Variants in PLEKHA7 observed in about 807,000 individuals in gnomAD.
PLEKHA7 encodes the protein pleckstrin homology domain containing A7, also known as pleckstrin homology domain-containing family A member 7.
PLEKHA7 carries 104 observed loss-of-function variants against 170.0 expected under a neutral mutation model. That is an observed-to-expected ratio of 0.61 (90% CI 0.52 to 0.72). The LOEUF (loss-of-function observed/expected upper bound fraction) is 0.72, where lower values mean the gene tolerates loss of function less well. Ranked by LOEUF, PLEKHA7 falls within the 30% of genes least tolerant of loss-of-function variation. The pLI, the probability that PLEKHA7 is intolerant of heterozygous loss-of-function variation, is 0.00. For missense variants in PLEKHA7, 1,615 were observed against 1,671.7 expected, an observed-to-expected ratio of 0.97 and a Z score of 0.59; for synonymous variants, 648 against 660.8, an observed-to-expected ratio of 0.98 and a Z score of 0.30.
At chr11:16,915,519 C>CTCCCCCT (rs1858586679) in intron 3 of PLEKHA7, among the ~76,000 whole-genome samples, 1 of 119,942 alleles carries the variant, frequency 8.3e-6, no homozygotes, top group African/African-American at 3.1e-5. Flanking sequence ...CCCCTCCCCC[C>CTCCCCCT]ACCCCACAAC....
At chr11:16,897,527 G>A (rs532870576) in intron 3 of PLEKHA7, among the ~76,000 whole-genome samples, 1 of 152,212 alleles carries the variant, frequency 6.6e-6, no homozygotes, top group Non-Finnish European at 1.5e-5. Context: ...GGGACTGGTG[G>A]TAAGTGGCAG....
chr11:16,972,235 C>A (rs1004498223), intron 3 of PLEKHA7, among the ~76,000 whole-genome samples: 3 of 152,124 alleles, frequency 2.0e-5, no homozygotes, highest in Non-Finnish European at 4.4e-5. Flanking sequence ...TGATCCTCCA[C>A]CTCAGCCTCC....
Position 16,958,119 on chromosome 11 carries a change from T to C in PLEKHA7, c.221+55870A>G, listed in dbSNP as rs113371699. Among the ~76,000 whole-genome samples, 633 of 152,110 alleles carry C rather than the reference T, an allele frequency of 4.2e-3. 3 individuals are homozygous for C. The highest frequency in any genetic ancestry group is 0.014 in the African/African-American group (594 of 41,540). On this transcript the variant is annotated intron_variant, in intron 3 of 26. Coordinates refer to ENST00000531066, the MANE Select transcript of PLEKHA7 (RefSeq NM_001329630.2). The stretch of plus-strand genomic sequence containing the variant: ...CTGCTTGAGCCCAGGAGTTCAAGAC[T>C]AGCCTGGGCAACATGACAAAACCTC...
intron 3 of PLEKHA7, among the ~76,000 whole-genome samples, chr11:16,996,163 C>T (rs750828721): frequency 3.4e-4 from 52 of 152,338 alleles, no homozygotes; most frequent in Non-Finnish European, 6.9e-4. Context: ...CATTTAATCT[C>T]TGCAAAAGAC....
chr11:16,925,968 T>A (rs1220832331), intron 3 of PLEKHA7, among the ~76,000 whole-genome samples: 2 of 152,234 alleles, frequency 1.3e-5, no homozygotes, highest in Non-Finnish European at 2.9e-5. Context: ...ACTGCGCTGT[T>A]CTGGCGTCTA....
chr11:16,932,468 A>G (rs7125295), intron 3 of PLEKHA7, among the ~76,000 whole-genome samples: 2,591 of 152,042 alleles, frequency 0.017, 88 homozygotes, highest in African/African-American at 0.06. Flanking sequence ...TTTTTTTGGT[A>G]GAGACAGGAC....
At chr11:16,906,224 T>TAGGTAGGA (rs1554968120) in intron 3 of PLEKHA7, among the ~76,000 whole-genome samples, 1 of 116,222 alleles carries the variant, frequency 8.6e-6, no homozygotes, top group Non-Finnish European at 1.7e-5. Flanking sequence ...TAAAATGAGG[T>TAGGTAGGA]AGGAAGGAAG....
chr11:16,903,371 G>A (rs998417759), intron 3 of PLEKHA7, among the ~76,000 whole-genome samples: 2 of 152,298 alleles, frequency 1.3e-5, no homozygotes, highest in Middle Eastern at 6.8e-3. Flanking sequence ...GCATGTTTGG[G>A]ATGTTTGCTC....
intron 3 of PLEKHA7, among the ~76,000 whole-genome samples, chr11:16,979,279 C>T (rs1407257907): frequency 1.3e-5 from 2 of 152,200 alleles, no homozygotes; most frequent in South Asian, 2.1e-4. Context: ...CCACCTGCCT[C>T]GGCCTCCCAG....
At chr11:16,846,783 G>A (rs1179379151) in intron 8 of PLEKHA7, among the ~76,000 whole-genome samples, 1 of 152,156 alleles carries the variant, frequency 6.6e-6, no homozygotes, top group East Asian at 1.9e-4. Flanking sequence ...CCATATCTTG[G>A]GAGGTATAAG....
intron 3 of PLEKHA7, among the ~76,000 whole-genome samples, chr11:16,915,824 C>T (rs1233096109): frequency 1.3e-5 from 2 of 149,090 alleles, no homozygotes; most frequent in Non-Finnish European, 3.0e-5. Flanking sequence ...AATAAACATA[C>T]GTGTGCATGT....
At chr11:16,829,159 T>G (rs1234064847) in intron 9 of PLEKHA7, among the ~76,000 whole-genome samples, 4 of 151,526 alleles carry the variant, frequency 2.6e-5, no homozygotes, top group Non-Finnish European at 5.9e-5. Context: ...GCATGCATGT[T>G]TTAATTAGCT....
chr11:16,841,002 T>C (rs1355000594), intron 9 of PLEKHA7, among the ~76,000 whole-genome samples: 2 of 152,104 alleles, frequency 1.3e-5, no homozygotes, highest in African/African-American at 2.4e-5. Context: ...CAATGTGAGA[T>C]GAAGGCCAGA....
chr11:16,961,783 T>C (rs1440868598), intron 3 of PLEKHA7, among the ~76,000 whole-genome samples: 1 of 152,204 alleles, frequency 6.6e-6, no homozygotes, highest in African/African-American at 2.4e-5. Flanking sequence ...GAGATGAAAT[T>C]CAGGTTATGC....
At chr11:16,802,845 G>C (rs563446276) in intron 15 of PLEKHA7, 127 bp downstream of exon 15, 1 of 852,928 alleles carries the variant, frequency 1.2e-6, no homozygotes, top group South Asian at 1.5e-5. Flanking sequence ...CGCACCTGGT[G>C]CATTTTTTTT....
intron 3 of PLEKHA7, among the ~76,000 whole-genome samples, chr11:16,936,972 C>T (rs1239836036): frequency 6.6e-6 from 1 of 152,246 alleles, no homozygotes; most frequent in African/African-American, 2.4e-5. Context: ...CTTGGGCAAG[C>T]TGTTTCCCTC....
chr11:17,008,430 T>C lies in PLEKHA7; in HGVS notation c.221+5559A>G, dbSNP rs552586715. 2.3e-3 allele frequency among the ~76,000 whole-genome samples: 354 copies of C among 152,336 alleles called. 3 individuals are homozygous for C. The highest frequency in any genetic ancestry group is 4.3e-3 in the Non-Finnish European group (292 of 68,024). On this transcript the variant is annotated intron_variant, in intron 3 of 26. Transcript: ENST00000531066. ...ACCAGCCAGCTTCCTGCTTTGAGCA[T>C]TGTTCTCAACAGCAAGCGACTGTAT...
intron 3 of PLEKHA7, among the ~76,000 whole-genome samples, chr11:16,973,155 T>C (rs1454421933): frequency 6.6e-6 from 1 of 152,240 alleles, no homozygotes; most frequent in African/African-American, 2.4e-5. Context: ...TGTACTTTTA[T>C]GTACTTTATG....
chr11:16,863,470 GC>G (rs1161605642), intron 4 of PLEKHA7, among the ~76,000 whole-genome samples: 1 of 152,132 alleles, frequency 6.6e-6, no homozygotes, highest in African/African-American at 2.4e-5. Context: ...TGCATGCCTT[GC>G]AGCTGGCGTC....
Sources: allele counts gnomAD v4.1 joint callset (sites outside exome capture counted in the v4.1 genomes callset), GRCh38; gene constraint gnomAD v4.1.1; transcripts MANE v1.5; gene names NCBI Gene and HGNC (gene_info 2026-07-23, HGNC 2026-07-21).